The following TMEM132D variants were observed in gnomAD, a reference collection of about 807,000 sequenced individuals.
TMEM132D encodes mature OL transmembrane protein.
A neutral mutation model predicts 62.3 loss-of-function variants in TMEM132D; 21 were observed. That is an observed-to-expected ratio of 0.34 (90% CI 0.24 to 0.49). TMEM132D has a LOEUF of 0.49. Ranked by LOEUF, TMEM132D falls within the 20% of genes least tolerant of loss-of-function variation. The probability of loss-of-function intolerance (pLI) is 0.99; values close to 1 mark genes in which losing one functional copy is unlikely to be tolerated. For synonymous variants in TMEM132D, 621 were observed against 575.6 expected, an observed-to-expected ratio of 1.08 and a Z score of -1.13; for missense variants, 1,346 against 1,402.8, an observed-to-expected ratio of 0.96 and a Z score of 0.65.
At chr12:129,130,371 C>T (rs1876340715) in intron 5 of TMEM132D, among the ~76,000 whole-genome samples, 1 of 152,050 alleles carries the variant, frequency 6.6e-6, no homozygotes, top group Admixed American at 6.6e-5. Context: ...GGAATCCTTG[C>T]TCCTGGTGAC....
At chr12:129,878,193 T>C (rs1323438915) in intron 1 of TMEM132D, among the ~76,000 whole-genome samples, 1 of 152,198 alleles carries the variant, frequency 6.6e-6, no homozygotes, top group African/African-American at 2.4e-5. Context: ...TTGGTGTGTC[T>C]CCTCTATTGA....
At chr12:129,305,589 C>G (rs930726047) in intron 4 of TMEM132D, among the ~76,000 whole-genome samples, 3 of 152,106 alleles carry the variant, frequency 2.0e-5, no homozygotes, top group African/African-American at 7.2e-5. Flanking sequence ...AAAATATATG[C>G]CCAGCAACAA....
At chr12:129,886,143 A>G (rs1874742716) in intron 1 of TMEM132D, among the ~76,000 whole-genome samples, 1 of 152,262 alleles carries the variant, frequency 6.6e-6, no homozygotes, top group South Asian at 2.1e-4. Context: ...TACATATATA[A>G]CACATTTTAA....
intron 1 of TMEM132D, among the ~76,000 whole-genome samples, chr12:129,755,255 T>C (rs1300415979): frequency 6.6e-6 from 1 of 152,238 alleles, no homozygotes; most frequent in Admixed American, 6.5e-5. Context: ...TATAAGTATC[T>C]ACCTCTCCAA....
intron 3 of TMEM132D, among the ~76,000 whole-genome samples, chr12:129,430,900 G>T (rs1051212027): frequency 6.6e-6 from 1 of 152,190 alleles, no homozygotes; most frequent in Non-Finnish European, 1.5e-5. Context: ...GGGGAGACAG[G>T]TACACTTTTA....
At chr12:129,219,850 C>T (rs1879305300) in intron 4 of TMEM132D, among the ~76,000 whole-genome samples, 1 of 152,174 alleles carries the variant, frequency 6.6e-6, no homozygotes, top group Non-Finnish European at 1.5e-5. Flanking sequence ...TGGATGAAGG[C>T]TCCACATCAG....
At chr12:129,263,588 G>A (rs963278242) in intron 4 of TMEM132D, among the ~76,000 whole-genome samples, 1 of 152,042 alleles carries the variant, frequency 6.6e-6, no homozygotes, top group African/African-American at 2.4e-5. Context: ...GGACCTTAAA[G>A]ATTAAGAGAA....
chr12:129,394,693 G>A (rs1312605211), intron 3 of TMEM132D, among the ~76,000 whole-genome samples: 2 of 152,238 alleles, frequency 1.3e-5, no homozygotes, highest in Non-Finnish European at 2.9e-5. Context: ...GCCCACAAAT[G>A]AAATTAATGA....
At chr12:129,504,375 T>C (rs1442243130) in intron 3 of TMEM132D, among the ~76,000 whole-genome samples, 1 of 152,214 alleles carries the variant, frequency 6.6e-6, no homozygotes, top group East Asian at 1.9e-4. Flanking sequence ...CATCTGGTCC[T>C]GAACTATTTT....
intron 5 of TMEM132D, among the ~76,000 whole-genome samples, chr12:129,188,912 G>T (rs1878303977): frequency 6.6e-6 from 1 of 152,100 alleles, no homozygotes; most frequent in Non-Finnish European, 1.5e-5. Flanking sequence ...AGAGTGTAAG[G>T]TTCCTGGCAT....
chr12:129,815,325 C>G (rs1198486381), intron 1 of TMEM132D, among the ~76,000 whole-genome samples: 2 of 152,218 alleles, frequency 1.3e-5, no homozygotes, highest in Non-Finnish European at 2.9e-5. Context: ...GTACATGTGA[C>G]TCTTCCAGGC....
intron 3 of TMEM132D, among the ~76,000 whole-genome samples, chr12:129,350,112 A>G (rs755271593): frequency 2.0e-5 from 3 of 152,222 alleles, no homozygotes; most frequent in African/African-American, 4.8e-5. Flanking sequence ...GAAATAATGA[A>G]TGGAAGACCT....
At chr12:129,353,123 C>A (rs983972967) in intron 3 of TMEM132D, among the ~76,000 whole-genome samples, 2 of 151,160 alleles carry the variant, frequency 1.3e-5, no homozygotes, top group African/African-American at 4.9e-5. Context: ...CCCTCCCTCC[C>A]TTCCTTCCTT....
intron 5 of TMEM132D, among the ~76,000 whole-genome samples, chr12:129,117,110 A>G (rs985499465): frequency 6.6e-6 from 1 of 152,186 alleles, no homozygotes; most frequent in Non-Finnish European, 1.5e-5. Context: ...AAGAAAAGAC[A>G]TAGAGGAACC....
intron 5 of TMEM132D, among the ~76,000 whole-genome samples, chr12:129,176,706 C>G (rs1235470067): frequency 1.3e-5 from 2 of 152,200 alleles, no homozygotes; most frequent in African/African-American, 4.8e-5. Context: ...AAATGTCTTC[C>G]TGTTGGTAAT....
intron 4 of TMEM132D, among the ~76,000 whole-genome samples, chr12:129,254,345 A>G (rs1449368401): frequency 6.6e-6 from 1 of 152,220 alleles, no homozygotes; most frequent in Non-Finnish European, 1.5e-5. Flanking sequence ...CAACTATTAT[A>G]TATCCACACA....
chr12:129,574,426 C>G (rs560697448), intron 2 of TMEM132D, among the ~76,000 whole-genome samples: 10 of 151,728 alleles, frequency 6.6e-5, no homozygotes, highest in African/African-American at 2.4e-4. Context: ...CCCTAAAAGT[C>G]AAAAAACAAT....
chr12:129,219,041 T>A (rs1286452568), intron 4 of TMEM132D, among the ~76,000 whole-genome samples: 1 of 152,186 alleles, frequency 6.6e-6, no homozygotes, highest in Non-Finnish European at 1.5e-5. Flanking sequence ...GCTCCCATGA[T>A]GTCAGAAAAA....
At chr12:129,559,869 C>A (rs2137112294) in intron 2 of TMEM132D, among the ~76,000 whole-genome samples, 1 of 152,218 alleles carries the variant, frequency 6.6e-6, no homozygotes, top group Admixed American at 6.5e-5. Flanking sequence ...TAAATCCAAC[C>A]ATCCAAGGAA....
Sources: allele counts gnomAD v4.1 joint callset (sites outside exome capture counted in the v4.1 genomes callset), GRCh38; gene constraint gnomAD v4.1.1; transcripts MANE v1.5; gene names NCBI Gene and HGNC (gene_info 2026-07-23, HGNC 2026-07-21).